The following INVS variants were observed in gnomAD, a reference collection of about 807,000 sequenced individuals.
INVS encodes inversin, also known as inversion of embryo turning homolog.
INVS carries 86 observed loss-of-function variants against 108.8 expected under a neutral mutation model. That is an observed-to-expected ratio of 0.79 (90% confidence interval 0.66 to 0.95). INVS has a LOEUF of 0.95. Ranked by LOEUF, INVS falls within the 40% of genes least tolerant of loss-of-function variation. The pLI is 0.00. For synonymous variants in INVS, 455 were observed against 473.5 expected (o/e 0.96, Z 0.51); for missense variants, 1,169 against 1,297.4 (o/e 0.90, Z 1.52).
intron 3 of INVS, among the ~76,000 whole-genome samples, chr9:100,128,504 T>C (rs1827954238): frequency 6.6e-6 from 1 of 152,222 alleles, no homozygotes; most frequent in Non-Finnish European, 1.5e-5. Flanking sequence ...TTAGTTCATT[T>C]GTGCTTTATA....
At chr9:100,252,540 T>A in intron 9 of INVS, 102 bp downstream of exon 9, 2 of 1,101,034 alleles carry the variant, frequency 1.8e-6, no homozygotes, top group Non-Finnish European at 2.7e-6. Flanking sequence ...GCTGCACAAG[T>A]ACAAGGATGA....
chr9:100,192,570 C>G (rs1306304290), intron 3 of INVS, among the ~76,000 whole-genome samples: 1 of 152,074 alleles, frequency 6.6e-6, no homozygotes, highest in Non-Finnish European at 1.5e-5. Flanking sequence ...AAATAAATAC[C>G]TAAAAGTGCA....
chr9:100,117,504 G>T, intron 2 of INVS: 1 of 818,984 alleles, frequency 1.2e-6, no homozygotes, highest in Non-Finnish European at 2.1e-6. Flanking sequence ...CCTCAGCCCG[G>T]GCCCCGTCCA....
intron 3 of INVS, among the ~76,000 whole-genome samples, chr9:100,211,398 A>C (rs1361014883): frequency 6.6e-6 from 1 of 152,234 alleles, no homozygotes; most frequent in Non-Finnish European, 1.5e-5. Context: ...TTTTCATAAT[A>C]ATCTAAATAA....
At chr9:100,120,256 A>G (rs561840758) in intron 2 of INVS, among the ~76,000 whole-genome samples, 2 of 152,320 alleles carry the variant, frequency 1.3e-5, no homozygotes, top group South Asian at 4.1e-4. Flanking sequence ...TCAAACTTAC[A>G]CAGATTCCTT....
At chr9:100,197,715 G>T (rs530096654) in intron 3 of INVS, among the ~76,000 whole-genome samples, 70 of 152,324 alleles carry the variant, frequency 4.6e-4, no homozygotes, top group African/African-American at 1.5e-3. Flanking sequence ...ATTAAGGCCT[G>T]TCTGTTCAGA....
At chr9:100,208,928 C>T (rs1001134036) in intron 3 of INVS, among the ~76,000 whole-genome samples, 2 of 152,122 alleles carry the variant, frequency 1.3e-5, no homozygotes, top group East Asian at 3.9e-4. Context: ...TTGTTGAGTA[C>T]TCGCTGTGCA....
At chr9:100,240,288 G>T in intron 6 of INVS, 48 bp downstream of exon 6, 1 of 1,412,066 alleles carries the variant, frequency 7.1e-7, no homozygotes, top group South Asian at 1.2e-5. Flanking sequence ...ATGAGTATAG[G>T]AATATTTCTG....
chr9:100,104,621 A>G lies in INVS; in HGVS notation c.100A>G (p.Ile34Val). Residue 34 changes from isoleucine (I) to valine (V), a missense_variant, in exon 2 of 17, where the codon ATC becomes GTC. Coordinates refer to ENST00000262457, the MANE Select transcript of INVS (RefSeq NM_014425.5). ...NGDKGALQRL[I>V]VGNSALKDKE... ...AGATAAGGGTGCTCTACAGAGGCTC[A>G]TCGTAGGTAAGCAGTCCCCTTAAGT... 2 of 1,609,724 alleles carry G rather than the reference A, an allele frequency of 1.2e-6. No individual in the cohort carries two copies. Among genetic ancestry groups the G allele is most frequent in the South Asian group, 1.1e-5 (1 of 90,990 alleles).
intron 3 of INVS, among the ~76,000 whole-genome samples, chr9:100,166,363 C>CA (rs1829364115): frequency 6.6e-6 from 1 of 152,050 alleles, no homozygotes; most frequent in Non-Finnish European, 1.5e-5. Flanking sequence ...AACAACAAAA[C>CA]AAAACAAAAA....
chr9:100,168,333 G>A (rs1194619510), intron 3 of INVS, among the ~76,000 whole-genome samples: 1 of 152,134 alleles, frequency 6.6e-6, no homozygotes, highest in Non-Finnish European at 1.5e-5. Context: ...AGAACATCAA[G>A]CTTGAGCTGG....
At chr9:100,211,276 C>T (rs1158662978) in intron 3 of INVS, among the ~76,000 whole-genome samples, 1 of 152,160 alleles carries the variant, frequency 6.6e-6, no homozygotes, top group Non-Finnish European at 1.5e-5. Context: ...ACCTCACAAG[C>T]ACAACAGAAT....
chr9:100,297,740 C>T (rs911547370), intron 15 of INVS, among the ~76,000 whole-genome samples, 196 bp from the exon 16 acceptor site: 1 of 152,162 alleles, frequency 6.6e-6, no homozygotes, highest in African/African-American at 2.4e-5. Flanking sequence ...GAAAGATCTC[C>T]TACAGCATGA....
chr9:100,301,794 G>A lies in INVS; in HGVS notation c.*1120G>A, dbSNP rs1833979683. The stretch of plus-strand genomic sequence containing the variant: ...AATGAAGTGTTCACTTAATTACCTT[G>A]GTTTTTAGTTTACTAATTATTACAT... On this transcript the variant is annotated 3_prime_UTR_variant, in exon 17 of 17. Transcript: ENST00000262457. 6.6e-6 allele frequency among the ~76,000 whole-genome samples: 1 copy of A among 152,054 alleles called. No homozygotes were observed. The highest frequency in any genetic ancestry group is 2.4e-5 in the African/African-American group (1 of 41,398).
At chr9:100,111,372 T>G (rs941975771) in intron 2 of INVS, among the ~76,000 whole-genome samples, 1 of 152,240 alleles carries the variant, frequency 6.6e-6, no homozygotes, top group Non-Finnish European at 1.5e-5. Context: ...ATTAACCATA[T>G]GTACTCTTAT....
At position 100,181,558 on chromosome 9, in the gene INVS, G is replaced by A. The variant is rs116109091; in HGVS notation, c.274-44504G>A. On this transcript the variant is annotated intron_variant, in intron 3 of 16. Transcript: ENST00000262457. ...AAATACCTAGGAATACAACTATCAA[G>A]TGATGTGAAAGACCTCTTCAAGGAG... Among the ~76,000 whole-genome samples the A allele has an allele frequency of 9.5e-4, 144 of 152,214 alleles. 1 individual carries two copies. Among genetic ancestry groups the A allele is most frequent in the African/African-American group, 3.3e-3 (136 of 41,554 alleles).
chr9:100,266,566 G>C (rs536328698), intron 11 of INVS, among the ~76,000 whole-genome samples: 4 of 152,220 alleles, frequency 2.6e-5, no homozygotes, highest in South Asian at 2.1e-4. Flanking sequence ...TCTTGGTTTT[G>C]GTGGGTTTTG....
chr9:100,175,503 C>T (rs1004588060), intron 3 of INVS: 1 of 768,502 alleles, frequency 1.3e-6, no homozygotes, highest in African/African-American at 1.7e-5. Flanking sequence ...ATACCTCAGC[C>T]TCCAGCAGAT....
At chr9:100,131,122 A>C (rs150936227) in intron 3 of INVS, among the ~76,000 whole-genome samples, 1 of 151,984 alleles carries the variant, frequency 6.6e-6, no homozygotes, top group African/African-American at 2.4e-5. Context: ...CCATTACCTT[A>C]TATTGTAATT....
Sources: allele counts gnomAD v4.1 joint callset (sites outside exome capture counted in the v4.1 genomes callset), GRCh38; gene constraint gnomAD v4.1.1; transcripts MANE v1.5; gene names NCBI Gene and HGNC (gene_info 2026-07-23, HGNC 2026-07-21).